CDH15: variants seen among roughly 807,000 people sequenced by gnomAD.
The protein encoded by CDH15 is cadherin-15.
In CDH15, 73 loss-of-function variants were observed where a neutral mutation model predicts 69.4. The ratio of observed to expected loss-of-function variants is 1.05; its 90% CI spans 0.87 to 1.28. CDH15 has a LOEUF of 1.28. Among genes scored for constraint, CDH15 ranks in the 50% most tolerant of loss-of-function variants. CDH15 has a pLI of 0.00. For missense variants in CDH15, 1,343 were observed against 1,133.6 expected (o/e 1.18, Z -2.65); for synonymous variants, 624 against 507.7 (o/e 1.23, Z -3.08).
At chr16:89,193,979 T>C in intron 13 of CDH15, 66 bp downstream of exon 13, 1 of 1,542,396 alleles carries the variant, frequency 6.5e-7, no homozygotes, top group Non-Finnish European at 8.9e-7. Flanking sequence ...CATGCACATG[T>C]ACACACCTGC....
At position 89,188,193 on chromosome 16, in the gene CDH15, G is replaced by T. The variant is rs1286793678; in HGVS notation, c.886G>T (p.Ala296Ser). The T allele has an allele frequency of 6.2e-7, 1 of 1,613,432 alleles. No homozygotes were observed. The highest frequency in any genetic ancestry group is 8.5e-7 in the Non-Finnish European group (1 of 1,179,868). Residue 296 changes from alanine to serine, a missense_variant, in exon 7 of 14, where the codon GCC becomes TCC. Physicochemically the swap from Ala to Ser is moderately conservative, Grantham distance 99. Coordinates refer to ENST00000289746, the MANE Select transcript of CDH15 (RefSeq NM_004933.3). ...RDLPGSPNWV[A>S]RFTILEGDPD... ...CCTGCCAGGCTCCCCAAACTGGGTG[G>T]CCAGGTTCACCATCCTGGAAGGCGA...
In CDH15 at chr16:89,179,588, G is replaced by A. The variant is rs2151599010; in HGVS notation, c.201+14G>A. 1.9e-6 allele frequency: 3 copies of A among 1,560,894 alleles called. No homozygotes were observed. The highest frequency in any genetic ancestry group is 2.6e-6 in the Non-Finnish European group (3 of 1,151,994). ...CCCCTGGTTCAGGTGAGCAGGTGGA[G>A]GGGGCAGGAGGGGAGAAAGGGGTAG... On this transcript the variant is annotated intron_variant, in intron 2 of 13. Coordinates refer to ENST00000289746, the MANE Select transcript of CDH15 (RefSeq NM_004933.3).
At chr16:89,176,516 C>T (rs542772509) in intron 1 of CDH15, among the ~76,000 whole-genome samples, 3 of 152,324 alleles carry the variant, frequency 2.0e-5, no homozygotes, top group African/African-American at 4.8e-5. Flanking sequence ...CAGGGTCCCG[C>T]TCACCAGGGC....
At chr16:89,190,106 T>G in intron 7 of CDH15, 137 bp from the exon 8 acceptor site, 1 of 1,025,620 alleles carries the variant, frequency 9.8e-7, no homozygotes, top group Non-Finnish European at 1.5e-6. Flanking sequence ...CATAATTTGT[T>G]TTTTCAAGGT....
intron 1 of CDH15, 121 bp from the exon 2 acceptor site, chr16:89,179,295 C>A: frequency 8.5e-7 from 1 of 1,175,714 alleles, no homozygotes; most frequent in Non-Finnish European, 1.2e-6. Flanking sequence ...TGGGCACCGA[C>A]CCGTGGGCTG....
chr16:89,194,826 C>G (rs761499738), intron 13 of CDH15, 36 bp from the exon 14 acceptor site: 39 of 1,575,538 alleles, frequency 2.5e-5, no homozygotes, highest in Non-Finnish European at 3.3e-5. Flanking sequence ...CCGCTGGCCC[C>G]TCCATGTGTC....
chr16:89,171,930 T>C lies in CDH15; in HGVS notation c.42+57T>C, dbSNP rs867684683. On this transcript the variant is annotated intron_variant, in intron 1 of 13. Transcript: ENST00000289746. Reference sequence around the variant, plus strand: ...TGCCTCCCTCGACGCTGCGGGACAGTGTCTTCAACTGCAGCCGCACAGGTC... The same window carrying C: ...TGCCTCCCTCGACGCTGCGGGACAGCGTCTTCAACTGCAGCCGCACAGGTC... 3.4e-6 allele frequency: 5 copies of C among 1,482,112 alleles called. No individual in the cohort carries two copies. The African/African-American group carries it at 5.6e-5, about 16-fold the overall frequency. 91.8% of individuals were successfully genotyped at this position (1,482,112 alleles called of 1,614,324 possible).
chr16:89,187,324 C>G, intron 5 of CDH15, 105 bp from the exon 6 acceptor site: 1 of 1,395,144 alleles, frequency 7.2e-7, no homozygotes, highest in Non-Finnish European at 9.9e-7. Flanking sequence ...ACTGGGTGCT[C>G]CCGTAGGAAC....
At chr16:89,186,211 A>ACGCT (rs1555592367) in intron 5 of CDH15, 3 of 96,796 alleles carry the variant, frequency 3.1e-5, no homozygotes, top group Admixed American at 9.8e-5. Context: ...TGCTCTGTGA[A>ACGCT]CACCCAGCGC....
Position 89,195,220 on chromosome 16 carries a change from GCCTGAGGTCACCGGGCCCGACCCC to G in CDH15, c.*70_*93del. 1.4e-6 allele frequency: 2 copies of G among 1,464,378 alleles called. No individual in the cohort carries two copies. Among genetic ancestry groups the G allele is most frequent in the Non-Finnish European group, 9.0e-7 (1 of 1,106,946 alleles). 90.7% of individuals were successfully genotyped at this position (1,464,378 alleles called of 1,614,324 possible). A position where few individuals can be genotyped will look rare whatever the true frequency, so the allele number is the denominator to read the frequency against. On this transcript the variant is annotated 3_prime_UTR_variant, in exon 14 of 14. Transcript: ENST00000289746. ...GGCAGTGATGGCCCCTGCAGAGGCA[GCCTGAGGTCACCGGGCCCGACCCC>G]CCTGGGCCTGGGGCAGCCTCCTTCC... is the stretch of plus-strand genomic sequence containing the variant.
intron 1 of CDH15, among the ~76,000 whole-genome samples, chr16:89,177,572 G>C (rs1221387906): frequency 6.6e-6 from 1 of 152,024 alleles, no homozygotes; most frequent in Non-Finnish European, 1.5e-5. Flanking sequence ...GGGGCACAGG[G>C]GACGGGGAGA....
Position 89,191,358 on chromosome 16 carries a change from T to C in CDH15, c.1261T>C (p.Trp421Arg). 2 of 1,612,558 alleles carry C rather than the reference T, an allele frequency of 1.2e-6. No homozygotes were observed. Among genetic ancestry groups the C allele is most frequent in the Non-Finnish European group, 8.5e-7 (1 of 1,179,960 alleles). Residue 421 changes from tryptophan (W) to arginine (R), a missense_variant, in exon 9 of 14, where the codon TGG becomes CGG. Trp to Arg is a moderately radical substitution (Grantham distance 101). Coordinates refer to ENST00000289746, the MANE Select transcript of CDH15 (RefSeq NM_004933.3). Reference protein sequence around the residue: ...SYSKDYDPEDWLQVDAATGRI... With the variant: ...SYSKDYDPEDRLQVDAATGRI... ...CTCCAAGGACTACGACCCGGAAGAC[T>C]GGCTGCAAGTGGACGCAGCCACTGG...
intron 7 of CDH15, among the ~76,000 whole-genome samples, chr16:89,188,893 GATGCCCACACACAC>G (rs1201432398): frequency 7.4e-6 from 1 of 135,352 alleles, no homozygotes; most frequent in Non-Finnish European, 1.6e-5. Flanking sequence ...AGCACACACA[GATGCCCACACACAC>G]ATGCCCACAC....
At position 89,191,381 on chromosome 16, in the gene CDH15, T is replaced by C. The variant is rs1489164768; in HGVS notation, c.1284T>C (p.Thr428=). Residue 428 remains threonine (T), a synonymous_variant, in exon 9 of 14, where the codon ACT becomes ACC. Transcript: ENST00000289746. ...PEDWLQVDAA[T]GRIQTQHVLS... ...ACTGGCTGCAAGTGGACGCAGCCACTGGCCGGATCCAGACCCAGCACGTGC... is the reference window on the plus strand; with the variant it reads ...ACTGGCTGCAAGTGGACGCAGCCACCGGCCGGATCCAGACCCAGCACGTGC... The C allele has an allele frequency of 6.2e-7, 1 of 1,612,666 alleles. No homozygotes were observed. Among genetic ancestry groups the C allele is most frequent in the Non-Finnish European group, 8.5e-7 (1 of 1,179,996 alleles).
chr16:89,181,251 A>C (rs1915371678), intron 3 of CDH15, among the ~76,000 whole-genome samples: 1 of 152,148 alleles, frequency 6.6e-6, no homozygotes, highest in African/African-American at 2.4e-5. Flanking sequence ...AGTGGCCGCC[A>C]CTGTTCTGGG....
intron 1 of CDH15, 108 bp downstream of exon 1, chr16:89,171,981 G>C: frequency 8.5e-7 from 1 of 1,176,976 alleles, no homozygotes; most frequent in Non-Finnish European, 1.2e-6. Flanking sequence ...GGCCCTGGTC[G>C]CCTTTGGGGG....
rs1413433699 is a variant in CDH15 at position 89,178,135 on chromosome 16, T to G, written c.43-1281T>G. Among the ~76,000 whole-genome samples the G allele has an allele frequency of 2.6e-5, 4 of 152,296 alleles. No individual in the cohort carries two copies. The East Asian group carries it at 7.7e-4, about 29-fold the overall frequency. ...TGGGTCCCTTCTCTAGGCCTCAGTT[T>G]CCCCATCTGAGGGGTGGGTGTGGGG... On this transcript the variant is annotated intron_variant, in intron 1 of 13. Transcript: ENST00000289746.
rs372484208 is a variant in CDH15, at chr16:89,188,292, G to T, written c.978+7G>T. The T allele has an allele frequency of 1.9e-6, 3 of 1,612,056 alleles. No individual in the cohort carries two copies. The highest frequency in any genetic ancestry group is 2.5e-6 in the Non-Finnish European group (3 of 1,179,366). ...TGTTCTGTCCATTGTGAAGGTGAGC[G>T]GCCCCCGGCTGGCACACAGATGCCG... On this transcript the variant is annotated splice_region_variant and intron_variant, in intron 7 of 13. Coordinates refer to ENST00000289746, the MANE Select transcript of CDH15 (RefSeq NM_004933.3).
intron 8 of CDH15, among the ~76,000 whole-genome samples, chr16:89,191,042 T>C (rs1209661974): frequency 1.5e-5 from 2 of 130,420 alleles, no homozygotes; most frequent in African/African-American, 5.8e-5. Context: ...ATGCGTGTGG[T>C]GTATAGGTGT....
Sources: allele counts gnomAD v4.1 joint callset (sites outside exome capture counted in the v4.1 genomes callset), GRCh38; gene constraint gnomAD v4.1.1; transcripts MANE v1.5; gene names NCBI Gene and HGNC (gene_info 2026-07-23, HGNC 2026-07-21).